Variants in PSME4 observed in about 807,000 individuals in gnomAD.
The protein encoded by PSME4 is proteasome activator complex subunit 4.
Under a neutral mutation model 253.9 loss-of-function variants are expected in PSME4, and 89 were observed. The ratio of observed to expected loss-of-function variants is 0.35; its 90% CI spans 0.30 to 0.42. The LOEUF (loss-of-function observed/expected upper bound fraction) is 0.42. Ranked by LOEUF, PSME4 falls within the 10% of genes least tolerant of loss-of-function variation. The probability of loss-of-function intolerance (pLI) is 1.00; values close to 1 mark genes in which losing one functional copy is unlikely to be tolerated. For synonymous variants in PSME4, 851 were observed against 759.2 expected (o/e 1.12, Z -1.99); for missense variants, 2,014 against 2,195.2 (o/e 0.92, Z 1.65).
intron 31 of PSME4, among the ~76,000 whole-genome samples, chr2:53,897,291 T>A (rs369746050): frequency 1.3e-5 from 2 of 149,402 alleles, no homozygotes; most frequent in African/African-American, 4.9e-5. Context: ...TGCCTCAGCC[T>A]CCCAAGTAGG....
At chr2:53,919,482 C>G (rs1668203374) in intron 19 of PSME4, among the ~76,000 whole-genome samples, 1 of 152,156 alleles carries the variant, frequency 6.6e-6, no homozygotes, top group African/African-American at 2.4e-5. Flanking sequence ...CAATAATTAA[C>G]TGCCCTTTGT....
Position 53,948,445 on chromosome 2 carries a change from T to A in PSME4, c.476A>T (p.His159Leu). The A allele has an allele frequency of 6.2e-7, 1 of 1,611,218 alleles. No individual in the cohort carries two copies. Among genetic ancestry groups the A allele is most frequent in the Non-Finnish European group, 8.5e-7 (1 of 1,177,444 alleles). ...CTTAGGAAACCAATTTAATCCTAGGTGCTCTGTCTTGGAATATAATATTCT... is the reference window on the plus strand; with the variant it reads ...CTTAGGAAACCAATTTAATCCTAGGAGCTCTGTCTTGGAATATAATATTCT... ...VERILYSKTE[H>L]LGLNWFPNSV... The change falls in exon 3 of 47, where the codon CAC becomes CTC. Residue 159 changes from histidine to leucine, a missense_variant. Physicochemically the swap from His to Leu is moderately conservative, Grantham distance 99. Around this residue, in one of 4 missense-constraint regions of PSME4, gnomAD observed 615 missense variants for 594.4 expected, o/e 1.03. Coordinates refer to ENST00000404125, the MANE Select transcript of PSME4 (RefSeq NM_014614.3).
At chr2:53,868,630 A>C (rs1678723155) in intron 44 of PSME4, among the ~76,000 whole-genome samples, 1 of 142,672 alleles carries the variant, frequency 7.0e-6, no homozygotes, top group African/African-American at 2.6e-5. Flanking sequence ...TATATCCCAA[A>C]AAGCAAAGAT....
At chr2:53,961,531 A>C (rs1164251827) in intron 1 of PSME4, among the ~76,000 whole-genome samples, 1 of 152,120 alleles carries the variant, frequency 6.6e-6, no homozygotes, top group East Asian at 1.9e-4. Context: ...ATAAAAACCT[A>C]GCTGGGTGTG....
intron 1 of PSME4, among the ~76,000 whole-genome samples, chr2:53,953,440 A>G (rs1189740202): frequency 6.7e-6 from 1 of 150,194 alleles, no homozygotes; most frequent in African/African-American, 2.4e-5. Context: ...AATTGAGATC[A>G]GGAGTTCAAG....
intron 42 of PSME4, among the ~76,000 whole-genome samples, chr2:53,875,292 A>G (rs1028042951): frequency 6.6e-6 from 1 of 152,222 alleles, no homozygotes; most frequent in Non-Finnish European, 1.5e-5. Flanking sequence ...AGAAAAGACC[A>G]GGTAACAGAA....
At chr2:53,892,661 T>G in intron 36 of PSME4, 147 bp downstream of exon 36, 1 of 684,786 alleles carries the variant, frequency 1.5e-6, no homozygotes, top group Non-Finnish European at 2.2e-6. Context: ...TAATCTGTAA[T>G]CAAAAGCAAT....
At chr2:53,967,359 A>C (rs985720475) in intron 1 of PSME4, among the ~76,000 whole-genome samples, 2 of 152,130 alleles carry the variant, frequency 1.3e-5, no homozygotes, top group African/African-American at 4.8e-5. Context: ...TGAAGAAAAA[A>C]GTCAAAAAGA....
chr2:53,869,521 A>T lies in PSME4; in HGVS notation c.5118T>A (p.Ala1706=), dbSNP rs1383270402. The part of the protein sequence containing the change: ...DEQLEVREMA[A]TTLSGLLQCN... ...ACTGTAGCAGACCGCTTAAGGTAGT[A>T]GCAGCCATTTCTCGAACCTGTAGAT... Residue 1706 remains alanine (A), a synonymous_variant, in exon 44 of 47, where the codon GCT becomes GCA. Transcript: ENST00000404125. The T allele has an allele frequency of 6.6e-7, 1 of 1,525,942 alleles. No individual in the cohort carries two copies. The highest frequency in any genetic ancestry group is 8.9e-7 in the Non-Finnish European group (1 of 1,120,190). The allele number at this position is 1,525,942 out of a possible 1,614,324, so 94.5% of individuals were successfully genotyped here.
chr2:53,873,974 AT>A (rs964164493), intron 43 of PSME4, among the ~76,000 whole-genome samples: 7 of 152,154 alleles, frequency 4.6e-5, no homozygotes, highest in African/African-American at 1.4e-4. Context: ...TTTTTATTTA[AT>A]TTTTTTGAGA....
intron 38 of PSME4, chr2:53,888,227 A>C (rs1369488926): frequency 1.7e-5 from 6 of 345,256 alleles, no homozygotes; most frequent in African/African-American, 1.1e-4. Flanking sequence ...TACTGACTTA[A>C]GAATACTCAC....
In PSME4 at chr2:53,970,775, C is replaced by G. The variant is rs1358033286; in HGVS notation, c.10G>C (p.Ala4Pro). Residue 4 changes from alanine to proline, a missense_variant, in exon 1 of 47, where the codon GCC becomes CCC. Transcript: ENST00000404125. The part of the protein sequence containing the change: MEP[A>P]ERAGVGEPPE... Reference sequence around the variant, plus strand: ...GGCTCTCCGACTCCCGCCCGCTCGGCCGGCTCCATGAGCCCAGGGACACCC... The same window carrying G: ...GGCTCTCCGACTCCCGCCCGCTCGGGCGGCTCCATGAGCCCAGGGACACCC... 4 of 1,542,138 alleles carry G rather than the reference C, an allele frequency of 2.6e-6. No homozygotes were observed. The highest frequency in any genetic ancestry group is 3.5e-6 in the Non-Finnish European group (4 of 1,144,272).
chr2:53,906,955 C>T, intron 24 of PSME4, 87 bp from the exon 25 acceptor site: 1 of 1,189,290 alleles, frequency 8.4e-7, no homozygotes. Context: ...AATAAGTGGT[C>T]AAAAAGGTCC....
intron 8 of PSME4, among the ~76,000 whole-genome samples, chr2:53,934,116 T>C (rs1468097576): frequency 6.6e-6 from 1 of 152,222 alleles, no homozygotes; most frequent in Non-Finnish European, 1.5e-5. Flanking sequence ...AAAGATGACA[T>C]TGAAATCTAA....
Position 53,874,255 on chromosome 2 carries a change from T to C in PSME4, c.5100+84A>G, listed in dbSNP as rs1268451773. The C allele has an allele frequency of 5.2e-6, 7 of 1,349,176 alleles. No homozygotes were observed. In the Admixed American group the frequency reaches 1.3e-4, roughly 25 times the overall value. The allele number at this position is 1,349,176 out of a possible 1,614,324, so 83.6% of individuals were successfully genotyped here. The stretch of plus-strand genomic sequence containing the variant: ...GGTTATAAATATAAACAATTGCACC[T>C]GGCCGCAAATACTTATTAAAAAGGG... On this transcript the variant is annotated intron_variant, in intron 43 of 46. Transcript: ENST00000404125.
chr2:53,970,423 G>C, intron 1 of PSME4, 120 bp downstream of exon 1: 1 of 1,479,944 alleles, frequency 6.8e-7, no homozygotes, highest in Non-Finnish European at 9.0e-7. Context: ...TCACCGCTCG[G>C]GGACAGCTCC....
intron 27 of PSME4, among the ~76,000 whole-genome samples, chr2:53,902,212 A>C (rs1487244551): frequency 1.3e-5 from 2 of 152,252 alleles, no homozygotes; most frequent in Non-Finnish European, 2.9e-5. Flanking sequence ...TTAAAATTTT[A>C]GAGTCTGAAG....
At chr2:53,940,881 T>C (rs1669365727) in intron 3 of PSME4, among the ~76,000 whole-genome samples, 1 of 141,508 alleles carries the variant, frequency 7.1e-6, no homozygotes, top group Admixed American at 7.5e-5. Context: ...TTTAAATATA[T>C]ATAATACATA....
intron 4 of PSME4, among the ~76,000 whole-genome samples, chr2:53,939,190 G>A (rs1200398212): frequency 1.3e-5 from 2 of 152,132 alleles, no homozygotes; most frequent in African/African-American, 4.8e-5. Flanking sequence ...AATACAGAAG[G>A]TCAGCAATAA....
Sources: allele counts gnomAD v4.1 joint callset (sites outside exome capture counted in the v4.1 genomes callset), GRCh38; gene constraint gnomAD v4.1.1; regional missense constraint gnomAD v4.1.1; transcripts MANE v1.5; gene names NCBI Gene and HGNC (gene_info 2026-07-23, HGNC 2026-07-21).